Variants in EXOC5 observed in about 807,000 individuals in gnomAD.
EXOC5 encodes the protein exocyst complex component 5.
EXOC5 carries 17 observed loss-of-function variants against 90.8 expected under a neutral mutation model. The observed-to-expected ratio is 0.19, with a 90% CI of 0.13 to 0.28. EXOC5 has a LOEUF of 0.28. Ranked by LOEUF, EXOC5 falls within the 10% of genes least tolerant of loss-of-function variation. The pLI, the probability that EXOC5 is intolerant of heterozygous loss-of-function variation, is 1.00. For synonymous variants in EXOC5, 260 were observed against 270.0 expected (o/e 0.96, Z 0.36); for missense variants, 569 against 830.6 (o/e 0.69, Z 3.87).
intron 7 of EXOC5, 75 bp from the exon 8 acceptor site, chr14:57,234,107 A>G: frequency 6.0e-6 from 7 of 1,158,148 alleles, no homozygotes; most frequent in Non-Finnish European, 8.9e-6. Flanking sequence ...GAAGTGTTAT[A>G]TGTCATAAAG....
intron 14 of EXOC5, among the ~76,000 whole-genome samples, chr14:57,218,493 C>G (rs1004624278): frequency 6.6e-6 from 1 of 152,016 alleles, no homozygotes; most frequent in Non-Finnish European, 1.5e-5. Context: ...TGGAGGGTAA[C>G]AGCCAATCCA....
intron 1 of EXOC5, among the ~76,000 whole-genome samples, chr14:57,257,534 G>A (rs1308931959): frequency 6.6e-6 from 1 of 152,110 alleles, no homozygotes; most frequent in Non-Finnish European, 1.5e-5. Flanking sequence ...AAAGCAAGAG[G>A]CACCAGTGTA....
At chr14:57,225,654 A>C (rs1883284848) in intron 12 of EXOC5, among the ~76,000 whole-genome samples, 1 of 152,182 alleles carries the variant, frequency 6.6e-6, no homozygotes, top group African/African-American at 2.4e-5. Flanking sequence ...TCTGAACCCA[A>C]AAGTATCTGA....
At chr14:57,241,255 T>C (rs1883849305) in intron 4 of EXOC5, among the ~76,000 whole-genome samples, 2 of 152,318 alleles carry the variant, frequency 1.3e-5, no homozygotes, top group South Asian at 2.1e-4. Context: ...ATAGTGAATA[T>C]AGCATTTCTG....
chr14:57,256,664 T>C (rs905373145), intron 1 of EXOC5, among the ~76,000 whole-genome samples: 2 of 152,208 alleles, frequency 1.3e-5, no homozygotes, highest in African/African-American at 2.4e-5. Flanking sequence ...TAACTGCTAA[T>C]AGTGCTGTCA....
chr14:57,242,274 T>G (rs532489547), intron 4 of EXOC5, among the ~76,000 whole-genome samples: 25 of 151,782 alleles, frequency 1.6e-4, no homozygotes, highest in Non-Finnish European at 3.1e-4. Flanking sequence ...TGAGACAGGG[T>G]CTGTCTGTCA....
Position 57,244,376 on chromosome 14 carries a change from T to A in EXOC5, c.271-17A>T, listed in dbSNP as rs991026142. On this transcript the variant is annotated splice_polypyrimidine_tract_variant and intron_variant, in intron 3 of 17. Coordinates refer to ENST00000621441, the MANE Select transcript of EXOC5 (RefSeq NM_006544.4). ...GAAGGCAACCTAGGAAAAATGTGCA[T>A]AAGCATAAAATACAATCAGTGTGCT... The A allele has an allele frequency of 1.3e-5, 21 of 1,587,370 alleles. No homozygotes were observed. The highest frequency in any genetic ancestry group is 1.7e-5 in the Non-Finnish European group (20 of 1,156,366).
At chr14:57,223,128 T>C (rs1172250247) in intron 12 of EXOC5, among the ~76,000 whole-genome samples, 1 of 152,024 alleles carries the variant, frequency 6.6e-6, no homozygotes, top group Non-Finnish European at 1.5e-5. Flanking sequence ...TAAGAATAAA[T>C]ACGAAAATAA....
At chr14:57,245,429 G>C (rs985871389) in intron 3 of EXOC5, among the ~76,000 whole-genome samples, 1 of 152,020 alleles carries the variant, frequency 6.6e-6, no homozygotes, top group Non-Finnish European at 1.5e-5. Flanking sequence ...GCCATGAAAA[G>C]GTTAAATTGC....
intron 12 of EXOC5, among the ~76,000 whole-genome samples, chr14:57,229,383 C>T (rs1371350778): frequency 1.3e-5 from 2 of 151,998 alleles, no homozygotes; most frequent in African/African-American, 4.8e-5. Context: ...GGTTCTGCAT[C>T]AGCAGATTCA....
At chr14:57,252,254 A>T (rs1884218757) in intron 1 of EXOC5, among the ~76,000 whole-genome samples, 1 of 152,230 alleles carries the variant, frequency 6.6e-6, no homozygotes, top group Non-Finnish European at 1.5e-5. Flanking sequence ...AGACTGTACA[A>T]GGAAACTACA....
rs961195116 is a variant in EXOC5, at chr14:57,268,651, C to G, written c.-3G>C. ...AAGAGCTCGGCCGTGGTAGCCATCC[C>G]GGCCGGCTGAGAGGCTCGCCCCCCA... On this transcript the variant is annotated 5_prime_UTR_variant, in exon 1 of 18. Transcript: ENST00000621441. 1.9e-6 allele frequency: 3 copies of G among 1,588,674 alleles called. No individual in the cohort carries two copies. Among genetic ancestry groups the G allele is most frequent in the Non-Finnish European group, 1.7e-6 (2 of 1,174,302 alleles).
At chr14:57,224,341 T>A (rs1243123506) in intron 12 of EXOC5, among the ~76,000 whole-genome samples, 1 of 151,974 alleles carries the variant, frequency 6.6e-6, no homozygotes, top group African/African-American at 2.4e-5. Flanking sequence ...TCTAGCCAGA[T>A]TGATCAGAAA....
chr14:57,229,632 T>G, intron 12 of EXOC5, 102 bp downstream of exon 12: 6 of 697,830 alleles, frequency 8.6e-6, no homozygotes, highest in Non-Finnish European at 1.3e-5. Flanking sequence ...ATAGCAGACT[T>G]GAGCATCCAC....
At chr14:57,229,688 T>C (rs527482306) in intron 12 of EXOC5, 46 bp downstream of exon 12, 59 of 1,347,734 alleles carry the variant, frequency 4.4e-5, no homozygotes, top group South Asian at 5.9e-5. Context: ...CCCACAGATA[T>C]CAAGGAACAA....
Position 57,257,974 on chromosome 14 carries a change from G to C in EXOC5, c.28-10262C>G, listed in dbSNP as rs149655346. Among the ~76,000 whole-genome samples, 20 of 152,198 alleles carry C rather than the reference G, an allele frequency of 1.3e-4. 1 individual carries two copies. The highest frequency in any genetic ancestry group is 4.8e-4 in the African/African-American group (20 of 41,522). ...AGTAATCAAAAGCAAAAATTACCAA[G>C]CCAAAACAAAAATCTAGAACTATGC... On this transcript the variant is annotated intron_variant, in intron 1 of 17. Coordinates refer to ENST00000621441, the MANE Select transcript of EXOC5 (RefSeq NM_006544.4).
rs1027450997 is a variant in EXOC5 at position 57,203,939 on chromosome 14, G to C, written c.*4670C>G. Reference sequence around the variant, plus strand: ...GTGCAAATAATTATATATTTGTAATGCATCACTGCTGTCTAGCAAAATCTA... The same window carrying C: ...GTGCAAATAATTATATATTTGTAATCCATCACTGCTGTCTAGCAAAATCTA... On this transcript the variant is annotated 3_prime_UTR_variant, in exon 18 of 18. Transcript: ENST00000621441. The C allele has an allele frequency of 1.3e-5, 2 of 152,534 alleles. No individual in the cohort carries two copies. The highest frequency in any genetic ancestry group is 4.8e-5 in the African/African-American group (2 of 41,430). The allele number at this position is 152,534 out of a possible 1,614,324, so 9.4% of individuals were successfully genotyped here.
In EXOC5 at chr14:57,235,722, G is replaced by A. The variant is rs543955970; in HGVS notation, c.658C>T (p.Leu220Phe). Reference protein sequence around the residue: ...SRMREVAAVLLHFKGYSHCVD... With the variant: ...SRMREVAAVLFHFKGYSHCVD... The stretch of plus-strand genomic sequence containing the variant: ...TTCCTACTATTTACCTTAAAATGAA[G>A]TAAAACTGCTGCTACTTCTCTCATT... The change falls in exon 7 of 18, where the codon CTT becomes TTT. Residue 220 changes from leucine (L) to phenylalanine (F), a missense_variant. Around this residue, in one of 9 missense-constraint regions of EXOC5, gnomAD observed 97 missense variants for 177.9 expected, o/e 0.55. Coordinates refer to ENST00000621441, the MANE Select transcript of EXOC5 (RefSeq NM_006544.4). The A allele has an allele frequency of 1.5e-5, 23 of 1,518,680 alleles. No homozygotes were observed. Among genetic ancestry groups the A allele is most frequent in the East Asian group, 9.7e-5 (4 of 41,306 alleles). 94.1% of individuals were successfully genotyped at this position (1,518,680 alleles called of 1,614,324 possible). A position where few individuals can be genotyped will look rare whatever the true frequency, so the allele number is the denominator to read the frequency against.
rs1166953862 is a variant in EXOC5 at position 57,207,695 on chromosome 14, A to T, written c.*914T>A. 6.6e-6 allele frequency: 1 copy of T among 152,112 alleles called. No individual in the cohort carries two copies. The highest frequency in any genetic ancestry group is 1.5e-5 in the Non-Finnish European group (1 of 67,998). The allele number at this position is 152,112 out of a possible 1,614,324, so 9.4% of individuals were successfully genotyped here. On this transcript the variant is annotated 3_prime_UTR_variant, in exon 18 of 18. Transcript: ENST00000621441. ...CATCTTATTCAAGTTTAGCATTACG[A>T]CAGAAATCTCAAAGGGCTGCATGTT...
Sources: allele counts gnomAD v4.1 joint callset (sites outside exome capture counted in the v4.1 genomes callset), GRCh38; gene constraint gnomAD v4.1.1; regional missense constraint gnomAD v4.1.1; transcripts MANE v1.5; gene names NCBI Gene and HGNC (gene_info 2026-07-23, HGNC 2026-07-21).